Variants in TBC1D19 observed in about 807,000 individuals in gnomAD.
TBC1D19 encodes TBC1 domain family member 19.
In TBC1D19, 60 loss-of-function variants were observed where a neutral mutation model predicts 89.0. That is an observed-to-expected ratio of 0.67 (90% confidence interval 0.55 to 0.84). The LOEUF (loss-of-function observed/expected upper bound fraction) is 0.84. TBC1D19 is among the 40% of genes least tolerant of loss of function. The probability of loss-of-function intolerance (pLI) is 0.00; values close to 1 mark genes in which losing one functional copy is unlikely to be tolerated. For synonymous variants in TBC1D19, 189 were observed against 199.7 expected (o/e 0.95, Z 0.45); for missense variants, 500 against 610.8 (o/e 0.82, Z 1.91).
chr4:26,604,968 A>G (rs1051635002), intron 1 of TBC1D19, among the ~76,000 whole-genome samples: 4 of 152,010 alleles, frequency 2.6e-5, no homozygotes, highest in East Asian at 1.9e-4. Flanking sequence ...TTCTTTGGCT[A>G]TGTACTCAAA....
the TBC1D19 span, among the ~76,000 whole-genome samples, chr4:26,824,700 A>G: frequency 2.0e-5 from 3 of 150,580 alleles, no homozygotes; most frequent in Admixed American, 1.3e-4. Flanking sequence ...TTTTGCTATC[A>G]TTTACTTCTT....
At chr4:26,616,174 G>T (rs1281713083) in intron 3 of TBC1D19, among the ~76,000 whole-genome samples, 4 of 151,980 alleles carry the variant, frequency 2.6e-5, no homozygotes. Context: ...TTTCATTACC[G>T]ATAAAGACTA....
chr4:26,721,179 C>G (rs992229247), intron 15 of TBC1D19, among the ~76,000 whole-genome samples: 2 of 151,948 alleles, frequency 1.3e-5, no homozygotes, highest in Non-Finnish European at 2.9e-5. Context: ...TAAAATATAT[C>G]CAGTTCGTAC....
At chr4:26,638,129 G>GT (rs1291749014) in intron 5 of TBC1D19, among the ~76,000 whole-genome samples, 32 of 149,462 alleles carry the variant, frequency 2.1e-4, no homozygotes, top group African/African-American at 7.4e-4. Flanking sequence ...AGAAAGAAAA[G>GT]AAAAAACACT....
the TBC1D19 span, among the ~76,000 whole-genome samples, chr4:26,775,311 A>G: frequency 6.6e-6 from 1 of 152,136 alleles, no homozygotes; most frequent in Admixed American, 6.5e-5. Context: ...AAAATTAACC[A>G]GATATAGTGG....
intron 1 of TBC1D19, among the ~76,000 whole-genome samples, chr4:26,587,458 T>C (rs1739484956): frequency 6.6e-6 from 1 of 151,614 alleles, no homozygotes; most frequent in African/African-American, 2.4e-5. Context: ...GCACCTGTAG[T>C]CCCAGCTACT....
intron 11 of TBC1D19, among the ~76,000 whole-genome samples, chr4:26,680,360 TA>T (rs948454895): frequency 2.6e-5 from 4 of 152,134 alleles, no homozygotes; most frequent in Non-Finnish European, 5.9e-5. Context: ...CATCTACTTT[TA>T]AAAAAAATCT....
At chr4:26,740,819 G>A (rs1267376585) in intron 17 of TBC1D19, 1 of 985,210 alleles carries the variant, frequency 1.0e-6, no homozygotes, top group Non-Finnish European at 1.2e-6. Context: ...TTAAATAGCT[G>A]TTCTTTATCC....
intron 1 of TBC1D19, 83 bp from the exon 2 acceptor site, chr4:26,613,086 G>T: frequency 1.0e-6 from 1 of 1,003,610 alleles, no homozygotes; most frequent in South Asian, 1.6e-5. Context: ...CATTTCCTTT[G>T]TTCTAAATAT....
intron 4 of TBC1D19, among the ~76,000 whole-genome samples, chr4:26,634,973 C>T (rs1357235105): frequency 2.0e-5 from 3 of 152,050 alleles, no homozygotes; most frequent in Non-Finnish European, 4.4e-5. Context: ...TATTTAATAA[C>T]TTTAATTTTG....
At chr4:26,635,342 A>G (rs75117316) in intron 4 of TBC1D19, among the ~76,000 whole-genome samples, 3 of 152,246 alleles carry the variant, frequency 2.0e-5, no homozygotes, top group East Asian at 3.9e-4. Flanking sequence ...TGTGGAAGGT[A>G]GGTTGTATCA....
At chr4:26,785,826 G>A in the TBC1D19 span, among the ~76,000 whole-genome samples, 1 of 152,110 alleles carries the variant, frequency 6.6e-6, no homozygotes, top group Non-Finnish European at 1.5e-5. Context: ...TAGCACTGGG[G>A]TCTTTAGGAA....
chr4:26,638,625 T>C (rs1318440713), intron 5 of TBC1D19, 146 bp from the exon 6 acceptor site: 4 of 623,946 alleles, frequency 6.4e-6, no homozygotes, highest in East Asian at 2.9e-5. Flanking sequence ...TAAATGCAGT[T>C]ACCCCCCAAA....
intron 15 of TBC1D19, among the ~76,000 whole-genome samples, chr4:26,731,713 G>A (rs1717672778): frequency 6.6e-6 from 1 of 152,140 alleles, no homozygotes; most frequent in African/African-American, 2.4e-5. Context: ...AAAAAACTGA[G>A]CAGCAAAAGT....
chr4:26,613,505 C>T (rs1741502042), intron 2 of TBC1D19, among the ~76,000 whole-genome samples: 1 of 152,148 alleles, frequency 6.6e-6, no homozygotes, highest in Non-Finnish European at 1.5e-5. Flanking sequence ...CTCTTGGATA[C>T]TCTTGTAAGG....
intron 15 of TBC1D19, among the ~76,000 whole-genome samples, chr4:26,723,821 T>C (rs1717131717): frequency 6.6e-6 from 1 of 152,220 alleles, no homozygotes; most frequent in Non-Finnish European, 1.5e-5. Context: ...ACAAAGTACC[T>C]GCTGCCAAGG....
chr4:26,625,548 A>G (rs1742335964), intron 4 of TBC1D19, among the ~76,000 whole-genome samples: 1 of 152,128 alleles, frequency 6.6e-6, no homozygotes, highest in Non-Finnish European at 1.5e-5. Flanking sequence ...ACACTTCCTT[A>G]GTTGTAACCT....
chr4:26,656,508 G>A (rs1482590288), intron 7 of TBC1D19, among the ~76,000 whole-genome samples: 1 of 151,368 alleles, frequency 6.6e-6, no homozygotes, highest in African/African-American at 2.4e-5. Flanking sequence ...TATACTTACA[G>A]AAGTAAGATT....
intron 15 of TBC1D19, among the ~76,000 whole-genome samples, chr4:26,734,737 C>CATA (rs1182538209): frequency 2.6e-5 from 4 of 152,112 alleles, no homozygotes; most frequent in African/African-American, 7.2e-5. Context: ...TATCTTTTAG[C>CATA]ATATTCGATT....
Sources: allele counts gnomAD v4.1 joint callset (sites outside exome capture counted in the v4.1 genomes callset), GRCh38; gene constraint gnomAD v4.1.1; transcripts MANE v1.5; gene names NCBI Gene and HGNC (gene_info 2026-07-23, HGNC 2026-07-21).